PTGR2: variants seen among roughly 807,000 people sequenced by gnomAD.
PTGR2 encodes the protein prostaglandin reductase 2.
Under a neutral mutation model 43.4 loss-of-function variants are expected in PTGR2, and 32 were observed. The observed-to-expected ratio is 0.74, with a 90% CI of 0.56 to 0.99. The LOEUF (loss-of-function observed/expected upper bound fraction) is 0.99, where lower values mean the gene tolerates loss of function less well. Among genes scored for constraint, PTGR2 ranks in the 50% least tolerant of loss-of-function variants. PTGR2 has a pLI of 0.00. For synonymous variants in PTGR2, 106 were observed against 139.2 expected (o/e 0.76, Z 1.68); for missense variants, 373 against 420.0 (o/e 0.89, Z 0.98).
intron 8 of PTGR2, among the ~76,000 whole-genome samples, chr14:73,881,586 A>G (rs556213849): frequency 2.6e-5 from 4 of 152,218 alleles, no homozygotes; most frequent in African/African-American, 9.6e-5. Flanking sequence ...TAATTTAACA[A>G]ATATTTATGG....
chr14:73,880,115 C>A lies in PTGR2; in HGVS notation c.790C>A (p.Pro264Thr). ...AATTTCTCAGTACAACAAAGATGTG[C>A]CTTATCCTCCCCCGCTATCCCCTGC... The part of the protein sequence containing the change: ...GQISQYNKDV[P>T]YPPPLSPAIE... Residue 264 changes from proline to threonine, a missense_variant, in exon 7 of 10, where the codon CCT (proline) becomes ACT (threonine). Coordinates refer to ENST00000555661, the MANE Select transcript of PTGR2 (RefSeq NM_001146154.2). 4 of 1,613,648 alleles carry A rather than the reference C, an allele frequency of 2.5e-6. No individual in the cohort carries two copies. The South Asian group carries it at 3.3e-5, about 13-fold the overall frequency.
In PTGR2 at chr14:73,884,168, C is replaced by T. The variant is rs1160044088; in HGVS notation, c.1047C>T (p.Ile349=). Residue 349 remains isoleucine (I), a synonymous_variant, in exon 10 of 10, where the codon ATC becomes ATT. Coordinates refer to ENST00000555661, the MANE Select transcript of PTGR2 (RefSeq NM_001146154.2). The part of the protein sequence containing the change: ...GKQIVCISEE[I]SL ...AGATAGTTTGCATTTCAGAAGAAAT[C>T]TCTTTGTAATTGCTGTAAATGTCAT... 1.9e-6 allele frequency: 3 copies of T among 1,589,264 alleles called. No individual in the cohort carries two copies. Among genetic ancestry groups the T allele is most frequent in the Non-Finnish European group, 2.6e-6 (3 of 1,161,144 alleles).
intron 3 of PTGR2, among the ~76,000 whole-genome samples, chr14:73,869,684 C>T (rs1269825446): frequency 6.6e-6 from 1 of 151,764 alleles, no homozygotes; most frequent in Admixed American, 6.6e-5. Flanking sequence ...GAAGAAAAAT[C>T]ACTTTGGGAT....
intron 4 of PTGR2, chr14:73,874,477 T>A: frequency 2.0e-6 from 1 of 502,124 alleles, no homozygotes; most frequent in South Asian, 1.7e-5. Context: ...ACCATTTTAA[T>A]TCATGTATGT....
At chr14:73,863,307 T>C (rs551174404) in intron 3 of PTGR2, among the ~76,000 whole-genome samples, 2 of 152,202 alleles carry the variant, frequency 1.3e-5, no homozygotes, top group East Asian at 1.9e-4. Flanking sequence ...CAATATGTTA[T>C]TCTTTTTTGT....
At chr14:73,861,880 TG>T (rs2054498936) in intron 3 of PTGR2, among the ~76,000 whole-genome samples, 1 of 151,596 alleles carries the variant, frequency 6.6e-6, no homozygotes, top group Non-Finnish European at 1.5e-5. Context: ...GTAAACTTAG[TG>T]GCTTTTTTTT....
chr14:73,882,270 C>A, intron 8 of PTGR2, 129 bp from the exon 9 acceptor site: 2 of 647,856 alleles, frequency 3.1e-6, no homozygotes, highest in Non-Finnish European at 5.5e-6. Flanking sequence ...GGGCTACCTA[C>A]ATGAAATAAA....
intron 3 of PTGR2, among the ~76,000 whole-genome samples, chr14:73,864,902 C>T (rs561208761): frequency 1.3e-4 from 20 of 152,198 alleles, no homozygotes; most frequent in African/African-American, 3.4e-4. Context: ...AAGATTTAGT[C>T]GTATATTTTC....
intron 3 of PTGR2, among the ~76,000 whole-genome samples, chr14:73,863,542 A>T (rs1276370448): frequency 6.6e-6 from 1 of 151,938 alleles, no homozygotes; most frequent in Non-Finnish European, 1.5e-5. Flanking sequence ...CAAAGAATAA[A>T]CTGTTATTTA....
intron 3 of PTGR2, among the ~76,000 whole-genome samples, chr14:73,860,868 A>T (rs2054473495): frequency 6.6e-6 from 1 of 152,138 alleles, no homozygotes; most frequent in Non-Finnish European, 1.5e-5. Flanking sequence ...TAGTACATGT[A>T]TGTGATTCAG....
At position 73,874,331 on chromosome 14, in the gene PTGR2, C is replaced by T. The variant is rs183193805; in HGVS notation, c.348+117C>T. On this transcript the variant is annotated intron_variant, in intron 4 of 9. Coordinates refer to ENST00000555661, the MANE Select transcript of PTGR2 (RefSeq NM_001146154.2). ...AATAAAAGCATATATTTTCTTTTAG[C>T]TAGCTGCCAAAATGTGGAAAGCCTT... 1.1e-3 allele frequency: 894 copies of T among 803,186 alleles called. 2 individuals are homozygous for T. Among genetic ancestry groups the T allele is most frequent in the South Asian group, 3.1e-3 (166 of 53,330 alleles). 49.8% of individuals were successfully genotyped at this position (803,186 alleles called of 1,614,324 possible).
At chr14:73,861,895 T>G (rs1440297268) in intron 3 of PTGR2, among the ~76,000 whole-genome samples, 4 of 151,800 alleles carry the variant, frequency 2.6e-5, no homozygotes, top group Non-Finnish European at 4.4e-5. Context: ...TTTTTTTTTT[T>G]GGGACGGAGT....
At chr14:73,853,131 C>G (rs1264957336) in intron 1 of PTGR2, among the ~76,000 whole-genome samples, 1 of 151,816 alleles carries the variant, frequency 6.6e-6, no homozygotes, top group East Asian at 1.9e-4. Context: ...CAGAAAGATA[C>G]GTTTTATAAC....
intron 4 of PTGR2, among the ~76,000 whole-genome samples, chr14:73,875,847 A>AG (rs1166509202): frequency 2.2e-5 from 2 of 91,594 alleles, no homozygotes; most frequent in African/African-American, 8.1e-5. Context: ...TTTGAGATGG[A>AG]GTCTTGCTTT....
Position 73,884,418 on chromosome 14 carries a change from C to T in PTGR2, c.*241C>T, listed in dbSNP as rs551551368. 28 of 280,924 alleles carry T rather than the reference C, an allele frequency of 1.0e-4. No individual in the cohort carries two copies. Among genetic ancestry groups the T allele is most frequent in the Admixed American group, 3.2e-4 (6 of 18,706 alleles). 17.4% of individuals were successfully genotyped at this position (280,924 alleles called of 1,614,324 possible). On this transcript the variant is annotated 3_prime_UTR_variant, in exon 10 of 10. Coordinates refer to ENST00000555661, the MANE Select transcript of PTGR2 (RefSeq NM_001146154.2). ...TTTAAAATAGAACGCTTGAGAGGCACTTTGTAAAGATTTGTTAAACTGGAA... is the reference window on the plus strand; with the variant it reads ...TTTAAAATAGAACGCTTGAGAGGCATTTTGTAAAGATTTGTTAAACTGGAA...
At chr14:73,882,365 A>T in intron 8 of PTGR2, 34 bp from the exon 9 acceptor site, 1 of 1,335,594 alleles carries the variant, frequency 7.5e-7, no homozygotes, top group Non-Finnish European at 1.1e-6. Flanking sequence ...ATTGAAGTTT[A>T]AAGACTATTA....
intron 1 of PTGR2, among the ~76,000 whole-genome samples, chr14:73,854,138 T>C (rs61446528): frequency 0.49 from 74,124 of 151,672 alleles, 18,316 homozygotes; most frequent in South Asian, 0.61. Flanking sequence ...GTTTCGCTCT[T>C]GTCCCCCAGG....
intron 3 of PTGR2, among the ~76,000 whole-genome samples, chr14:73,871,542 C>G (rs2048563764): frequency 1.3e-5 from 2 of 151,968 alleles, no homozygotes; most frequent in Non-Finnish European, 1.5e-5. Flanking sequence ...AGTGGGGACC[C>G]TGATTTATAG....
At chr14:73,874,454 T>G (rs2054809667) in intron 4 of PTGR2, 1 of 540,794 alleles carries the variant, frequency 1.8e-6, no homozygotes, top group Admixed American at 2.7e-5. Flanking sequence ...ATAAACAGAT[T>G]AACAGGAGAA....
Sources: gnomAD v4.1 joint callset for allele counts (sites outside exome capture counted in the v4.1 genomes callset) on GRCh38, gnomAD v4.1.1 for gene constraint, MANE v1.5 for transcripts, NCBI Gene and HGNC (gene_info 2026-07-23, HGNC 2026-07-21) for gene names.